TSBP1: variants seen among roughly 807,000 people sequenced by gnomAD.
TSBP1 encodes testis-expressed basic protein 1.
TSBP1 carries 56 observed loss-of-function variants against 68.8 expected under a neutral mutation model. That is an observed-to-expected ratio of 0.81 (90% confidence interval 0.66 to 1.02). The LOEUF is 1.02. Among genes scored for constraint, TSBP1 ranks in the 50% least tolerant of loss-of-function variants. The pLI, the probability that TSBP1 is intolerant of heterozygous loss-of-function variation, is 0.00. For missense variants in TSBP1, 502 were observed against 641.2 expected, an observed-to-expected ratio of 0.78 and a Z score of 2.34; for synonymous variants, 171 against 208.7, an observed-to-expected ratio of 0.82 and a Z score of 1.56.
In TSBP1 at chr6:32,361,983, C is replaced by T. The variant is rs1009906887; in HGVS notation, c.217+4184G>A. Among the ~76,000 whole-genome samples, 20 of 151,952 alleles carry T rather than the reference C, an allele frequency of 1.3e-4. No homozygotes were observed. Among genetic ancestry groups the T allele is most frequent in the African/African-American group, 4.4e-4 (18 of 41,354 alleles). ...TTAATGAGTTGTCAGGCAAGTGGAACTGGTGGCTTCATAAGAAGAGGAACG... is the reference window on the plus strand; with the variant it reads ...TTAATGAGTTGTCAGGCAAGTGGAATTGGTGGCTTCATAAGAAGAGGAACG... On this transcript the variant is annotated intron_variant, in intron 6 of 22. Transcript: ENST00000612031. The surrounding 1 kb of genome is among the most constrained non-coding windows in gnomAD (Gnocchi z 4.3).
In TSBP1 at chr6:32,333,349, T is replaced by C. The variant is rs1239116641; in HGVS notation, c.473-1295A>G. 2.0e-5 allele frequency among the ~76,000 whole-genome samples: 3 copies of C among 152,192 alleles called. No individual in the cohort carries two copies. The highest frequency in any genetic ancestry group is 2.9e-5 in the Non-Finnish European group (2 of 68,034). On this transcript the variant is annotated intron_variant, in intron 14 of 22. Coordinates refer to ENST00000612031, the Ensembl canonical transcript of TSBP1. This position sits in a 1 kb window ranked among gnomAD's most constrained non-coding sequence, Gnocchi z 4.2. Reference sequence around the variant, plus strand: ...CTGCTTACATAAGAATGATCCTTGATGTTAGACTGCATCTGAACTGGGAGA... The same window carrying C: ...CTGCTTACATAAGAATGATCCTTGACGTTAGACTGCATCTGAACTGGGAGA...
intron 18 of TSBP1, among the ~76,000 whole-genome samples, chr6:32,322,789 A>C (rs1767775712): frequency 6.6e-6 from 1 of 152,174 alleles, no homozygotes; most frequent in Non-Finnish European, 1.5e-5. Flanking sequence ...TAGTGTTGGG[A>C]AAAGACCACT....
chr6:32,302,458 C>G lies in TSBP1; in HGVS notation c.601+151G>C. 1.5e-6 allele frequency: 1 copy of G among 680,288 alleles called. No individual in the cohort carries two copies. The highest frequency in any genetic ancestry group is 2.6e-6 in the Non-Finnish European group (1 of 380,456). 42.1% of individuals were successfully genotyped at this position (680,288 alleles called of 1,614,324 possible). On this transcript the variant is annotated intron_variant, in intron 20 of 22. Coordinates refer to ENST00000612031, the Ensembl canonical transcript of TSBP1. The surrounding 1 kb of genome is among the most constrained non-coding windows in gnomAD (Gnocchi z 5.1). ...GACAGAGCAAGACCCTGTCTCAGAA[C>G]AAAACAAAACCAAAAACACCAAACA...
intron 19 of TSBP1, among the ~76,000 whole-genome samples, chr6:32,307,596 C>T (rs1765889121): frequency 7.2e-6 from 1 of 138,624 alleles, no homozygotes; most frequent in Non-Finnish European, 1.6e-5. Context: ...TAATTTTTGT[C>T]TGTTTATTTT....
At chr6:32,354,609 T>G (rs1030986545) in intron 8 of TSBP1, among the ~76,000 whole-genome samples, 1 of 152,146 alleles carries the variant, frequency 6.6e-6, no homozygotes, top group African/African-American at 2.4e-5. Context: ...TTCCATCTAC[T>G]TAAGGACTGT....
chr6:32,356,019 T>A (rs914110199), intron 6 of TSBP1, among the ~76,000 whole-genome samples: 1 of 152,188 alleles, frequency 6.6e-6, no homozygotes, highest in Non-Finnish European at 1.5e-5. Context: ...TATGGCAAAT[T>A]ATAATGAATG....
chr6:32,325,901 G>C lies in TSBP1; in HGVS notation c.515-2287C>G. On this transcript the variant is annotated intron_variant, in intron 16 of 22. Transcript: ENST00000612031. This position sits in a 1 kb window ranked among gnomAD's most constrained non-coding sequence, Gnocchi z 4.4. Reference sequence around the variant, plus strand: ...AACTTCAGTGGTTGTGGTGGCTTTGGTGGCAGCTGTGGTGGTGGTGGATAT... The same window carrying C: ...AACTTCAGTGGTTGTGGTGGCTTTGCTGGCAGCTGTGGTGGTGGTGGATAT... The C allele has an allele frequency of 1.9e-6, 3 of 1,545,064 alleles. No homozygotes were observed. The highest frequency in any genetic ancestry group is 2.6e-6 in the Non-Finnish European group (3 of 1,132,320).
At chr6:32,332,005 A>G (rs1769078958) in intron 15 of TSBP1, 29 bp downstream of exon 16, 2 of 1,551,846 alleles carry the variant, frequency 1.3e-6, no homozygotes, top group South Asian at 1.1e-5. Flanking sequence ...AAGCCAGTAG[A>G]GATAAGTTGA....
intron 6 of TSBP1, among the ~76,000 whole-genome samples, chr6:32,358,313 A>T (rs2127643665): frequency 6.6e-6 from 1 of 152,276 alleles, no homozygotes; most frequent in East Asian, 1.9e-4. Context: ...TGAGATGTAA[A>T]TGACAACAGT....
Position 32,316,724 on chromosome 6 carries a change from C to T in TSBP1, c.560-932G>A, listed in dbSNP as rs898011830. On this transcript the variant is annotated intron_variant, in intron 18 of 22. Transcript: ENST00000612031. This position sits in a 1 kb window ranked among gnomAD's most constrained non-coding sequence, Gnocchi z 4.5. ...TTTGAAATCATGTAAATGTAAGCTT[C>T]CTTCTCAGGGAGAAGCTAGATTAGC... is the stretch of plus-strand genomic sequence containing the variant. Among the ~76,000 whole-genome samples the T allele has an allele frequency of 2.0e-5, 3 of 152,084 alleles. No individual in the cohort carries two copies. Among genetic ancestry groups the T allele is most frequent in the African/African-American group, 7.2e-5 (3 of 41,404 alleles).
chr6:32,302,738 C>CA lies in TSBP1; in HGVS notation c.581-110_581-109insT, dbSNP rs1428474975. On this transcript the variant is annotated intron_variant, in intron 19 of 22. Coordinates refer to ENST00000612031, the Ensembl canonical transcript of TSBP1. This position sits in a 1 kb window ranked among gnomAD's most constrained non-coding sequence, Gnocchi z 5.1. ...TGTTTTTTCTAGGGTACCATAAAGA[C>CA]TTCTAGCAGAATACAATGAAATATG... 1 of 721,930 alleles carries CA rather than the reference C, an allele frequency of 1.4e-6. No individual in the cohort carries two copies. The highest frequency in any genetic ancestry group is 2.3e-6 in the Non-Finnish European group (1 of 425,818). 44.7% of individuals were successfully genotyped at this position (721,930 alleles called of 1,614,324 possible). A position where few individuals can be genotyped will look rare whatever the true frequency, so the allele number is the denominator to read the frequency against.
chr6:32,339,663 AC>A, intron 9 of TSBP1, 25 bp from the exon 11 acceptor site: 1 of 1,028,446 alleles, frequency 9.7e-7, no homozygotes, highest in African/African-American at 1.5e-5. Context: ...GAAAAGTGTA[AC>A]ATTATTTAGA....
chr6:32,339,428 T>C (rs895387427), intron 10 of TSBP1, 172 bp downstream of exon 11: 1 of 718,414 alleles, frequency 1.4e-6, no homozygotes, highest in Non-Finnish European at 2.6e-6. Context: ...TCCTCCATCT[T>C]TATGTGCTTT....
Position 32,307,775 on chromosome 6 carries a change from CTGGT to C in TSBP1, c.581-5150_581-5147del, listed in dbSNP as rs764906709. Among the ~76,000 whole-genome samples, 153 of 147,646 alleles carry C rather than the reference CTGGT, an allele frequency of 1.0e-3. 1 individual carries two copies. The highest frequency in any genetic ancestry group is 1.7e-3 in the Admixed American group (25 of 14,748). On this transcript the variant is annotated intron_variant, in intron 19 of 22. Transcript: ENST00000612031. ...CAAGTTTTGTTTTGTTGTTAATTGC[CTGGT>C]TTTTTTTTTTTTTGAGACAGAATTT...
chr6:32,366,190 A>G lies in TSBP1; in HGVS notation c.197-3T>C. On this transcript the variant is annotated splice_polypyrimidine_tract_variant and splice_region_variant and intron_variant, in intron 5 of 22. Transcript: ENST00000612031. ...ACCTCGGTTATCATATGAAGTGTCT[A>G]GAGAATTGAAGAAAAATTATAAGAT... 6.3e-7 allele frequency: 1 copy of G among 1,594,824 alleles called. No individual in the cohort carries two copies. Among genetic ancestry groups the G allele is most frequent in the Non-Finnish European group, 8.5e-7 (1 of 1,173,414 alleles).
chr6:32,293,290 A>G, exon 23 of TSBP1: 1 of 1,612,112 alleles, frequency 6.2e-7, no homozygotes, highest in Non-Finnish European at 8.5e-7. Context: ...CACTCACCTC[A>G]GTGTTCTTTA....
rs764446599 is a variant in TSBP1 at position 32,338,941 on chromosome 6, A to G, written c.409+38T>C. The G allele has an allele frequency of 8.4e-6, 13 of 1,552,126 alleles. No homozygotes were observed. In the South Asian group the frequency reaches 1.4e-4, roughly 17 times the overall value. On this transcript the variant is annotated intron_variant, in intron 11 of 22. Coordinates refer to ENST00000612031, the Ensembl canonical transcript of TSBP1. The surrounding 1 kb of genome is among the most constrained non-coding windows in gnomAD (Gnocchi z 5.5). The stretch of plus-strand genomic sequence containing the variant: ...ACATATTCTAACAGTTTAGTAAAGC[A>G]AAGCACATGAGAATTAAAGGGCAGA...
rs1766883043 is a variant in TSBP1, at chr6:32,315,751, G to A, written c.580+21C>T. 1.3e-6 allele frequency: 2 copies of A among 1,482,598 alleles called. No homozygotes were observed. Among genetic ancestry groups the A allele is most frequent in the African/African-American group, 1.4e-5 (1 of 71,792 alleles). 91.8% of individuals were successfully genotyped at this position (1,482,598 alleles called of 1,614,324 possible). A position where few individuals can be genotyped will look rare whatever the true frequency, so the allele number is the denominator to read the frequency against. On this transcript the variant is annotated intron_variant, in intron 19 of 22. Coordinates refer to ENST00000612031, the Ensembl canonical transcript of TSBP1. This position sits in a 1 kb window ranked among gnomAD's most constrained non-coding sequence, Gnocchi z 5.4. ...TAACATAAATCTCCACATATGACCA[G>A]CTGAGAAATAAAGAACTTACTTGCA...
chr6:32,303,594 G>A (rs1765516187), intron 19 of TSBP1, among the ~76,000 whole-genome samples: 1 of 151,858 alleles, frequency 6.6e-6, no homozygotes, highest in Non-Finnish European at 1.5e-5. Context: ...GATATAGTTA[G>A]GTCATGTTTT....
Sources: allele counts gnomAD v4.1 joint callset (sites outside exome capture counted in the v4.1 genomes callset), GRCh38; gene constraint gnomAD v4.1.1; non-coding constraint Gnocchi (gnomAD v3.1); transcripts MANE v1.5; gene names NCBI Gene and HGNC (gene_info 2026-07-23, HGNC 2026-07-21).